Variants in GUCA2B observed in about 807,000 individuals in gnomAD.
GUCA2B encodes the protein guanylate cyclase activator 2B.
GUCA2B carries 7 observed loss-of-function variants against 11.1 expected under a neutral mutation model. That is an observed-to-expected ratio of 0.63 (90% CI 0.36 to 1.18). The LOEUF (loss-of-function observed/expected upper bound fraction) is 1.18. Ranked by LOEUF, GUCA2B falls within the 50% of genes most tolerant of loss-of-function variation. The pLI is 0.02. For missense variants in GUCA2B, 140 were observed against 142.5 expected (o/e 0.98, Z 0.09); for synonymous variants, 69 against 65.3 (o/e 1.06, Z -0.27).
At position 42,155,584 on chromosome 1, in the gene GUCA2B, C is replaced by G. The variant is rs370297949; in HGVS notation, c.327C>G (p.Thr109=). The change falls in exon 3 of 3, where the codon ACC becomes ACG. Residue 109 remains threonine, a synonymous_variant. Transcript: ENST00000372581. The part of the protein sequence containing the change: ...DCELCVNVAC[T]GCL ...AGCTGTGTGTGAACGTTGCGTGTAC[C>G]GGCTGCCTCTGAGATAGCCCTGGGT... The G allele has an allele frequency of 4.3e-6, 7 of 1,613,574 alleles. No homozygotes were observed. Among genetic ancestry groups the G allele is most frequent in the Non-Finnish European group, 5.1e-6 (6 of 1,179,460 alleles).
intron 2 of GUCA2B, among the ~76,000 whole-genome samples, chr1:42,155,142 T>C (rs1023187615): frequency 2.6e-5 from 4 of 152,172 alleles, no homozygotes; most frequent in Non-Finnish European, 4.4e-5. Context: ...ACATCTGCGA[T>C]GGGACAGGGG....
chr1:42,155,636 C>T lies in GUCA2B; in HGVS notation c.*40C>T. The T allele has an allele frequency of 6.8e-7, 1 of 1,480,042 alleles. No homozygotes were observed. The highest frequency in any genetic ancestry group is 9.5e-7 in the Non-Finnish European group (1 of 1,057,358). The allele number at this position is 1,480,042 out of a possible 1,614,324, so 91.7% of individuals were successfully genotyped here. On this transcript the variant is annotated 3_prime_UTR_variant, in exon 3 of 3. Coordinates refer to ENST00000372581, the MANE Select transcript of GUCA2B (RefSeq NM_007102.3). ...CCCTGAGCCCACCAGGGACACCTCG[C>T]CCTTCAGCCCACCACCCTGGCAGGC...
In GUCA2B at chr1:42,154,772, C is replaced by T; in HGVS notation, c.183C>T (p.Ser61=). 1 of 1,613,896 alleles carries T rather than the reference C, an allele frequency of 6.2e-7. No individual in the cohort carries two copies. The highest frequency in any genetic ancestry group is 8.5e-7 in the Non-Finnish European group (1 of 1,179,800). Residue 61 remains serine, a synonymous_variant, in exon 2 of 3, where the codon AGC becomes AGT. Transcript: ENST00000372581. ...WAPSPRLQAQ[S]LLPAVCHHPA... ...CCAGCCCCCGCCTGCAGGCCCAGAG[C>T]CTCCTGCCCGCCGTGTGCCACCACC...
At chr1:42,153,828 C>T (rs905138908) in intron 1 of GUCA2B, among the ~76,000 whole-genome samples, 3 of 152,190 alleles carry the variant, frequency 2.0e-5, no homozygotes, top group African/African-American at 7.2e-5. Flanking sequence ...CTCCTCCTTG[C>T]ATGGGAGGAG....
At chr1:42,155,024 G>A (rs1023010969) in intron 2 of GUCA2B, among the ~76,000 whole-genome samples, 158 bp downstream of exon 2, 5 of 152,234 alleles carry the variant, frequency 3.3e-5, no homozygotes, top group Non-Finnish European at 7.3e-5. Context: ...CCCGGTTTGG[G>A]CACTGTGAGT....
rs2297567 is a variant in GUCA2B, at chr1:42,153,481, C to T, written c.31C>T (p.Pro11Ser). Residue 11 changes from proline (P) to serine (S), a missense_variant, in exon 1 of 3, where the codon CCA becomes TCA. Physicochemically the swap from Pro to Ser is moderately conservative, Grantham distance 74 (BLOSUM62 -1). Coordinates refer to ENST00000372581, the MANE Select transcript of GUCA2B (RefSeq NM_007102.3). ...CTGCAGGGCTGCATCAGGGCTCCTGCCAGGAGTGGCCGTGGTCCTCCTGCT... is the reference window on the plus strand; with the variant it reads ...CTGCAGGGCTGCATCAGGGCTCCTGTCAGGAGTGGCCGTGGTCCTCCTGCT... MGCRAASGLL[P>S]GVAVVLLLLL... 2.5e-6 allele frequency: 4 copies of T among 1,612,252 alleles called. No individual in the cohort carries two copies. The highest frequency in any genetic ancestry group is 3.4e-6 in the Non-Finnish European group (4 of 1,179,490).
At chr1:42,153,585 G>A (rs1259071490) in intron 1 of GUCA2B, 45 bp downstream of exon 1, 1 of 1,378,084 alleles carries the variant, frequency 7.3e-7, no homozygotes, top group Non-Finnish European at 1.0e-6. Context: ...GGGCCCCATG[G>A]TGGGAGGCTA....
intron 1 of GUCA2B, among the ~76,000 whole-genome samples, chr1:42,154,340 G>T (rs1646098076): frequency 6.6e-6 from 1 of 152,230 alleles, no homozygotes; most frequent in African/African-American, 2.4e-5. Context: ...GGCGTACTCA[G>T]TTAGTGATTG....
chr1:42,154,425 G>A (rs1334182804), intron 1 of GUCA2B, among the ~76,000 whole-genome samples: 1 of 152,334 alleles, frequency 6.6e-6, no homozygotes, highest in African/African-American at 2.4e-5. Context: ...ACAGGCAGCC[G>A]GTCATGGGCA....
At chr1:42,153,596 G>A in intron 1 of GUCA2B, 56 bp downstream of exon 1, 13 of 1,257,456 alleles carry the variant, frequency 1.0e-5, no homozygotes, top group Non-Finnish European at 1.5e-5. Context: ...TGGGAGGCTA[G>A]GCTGGAGAGG....
chr1:42,155,282 T>G (rs765025506), intron 2 of GUCA2B, among the ~76,000 whole-genome samples: 1 of 152,198 alleles, frequency 6.6e-6, no homozygotes, highest in Non-Finnish European at 1.5e-5. Flanking sequence ...TTGTCGGTCC[T>G]GCATTATCTC....
In GUCA2B at chr1:42,154,892, C is replaced by A. The variant is rs368908843; in HGVS notation, c.277+26C>A. The A allele has an allele frequency of 9.5e-5, 150 of 1,571,238 alleles. No homozygotes were observed. The East Asian group carries it at 3.1e-3, about 33-fold the overall frequency. Reference sequence around the variant, plus strand: ...GTAAGTGCCCCCGCTCCCTGCAGAACCTCGCTCTGTCTCCTCCCACGCCCA... The same window carrying A: ...GTAAGTGCCCCCGCTCCCTGCAGAAACTCGCTCTGTCTCCTCCCACGCCCA... On this transcript the variant is annotated intron_variant, in intron 2 of 2. Transcript: ENST00000372581.
At chr1:42,153,811 C>A (rs1646095289) in intron 1 of GUCA2B, among the ~76,000 whole-genome samples, 1 of 152,212 alleles carries the variant, frequency 6.6e-6, no homozygotes. Context: ...GGGTGTGGAA[C>A]AGAAGGCTCC....
chr1:42,153,848 G>A (rs1646095400), intron 1 of GUCA2B, among the ~76,000 whole-genome samples: 1 of 152,202 alleles, frequency 6.6e-6, no homozygotes, highest in Non-Finnish European at 1.5e-5. Flanking sequence ...GGCCAGAAAG[G>A]GAAGGAGACA....
chr1:42,154,858 A>G lies in GUCA2B; in HGVS notation c.269A>G (p.Lys90Arg). The G allele has an allele frequency of 6.2e-7, 1 of 1,611,750 alleles. No individual in the cohort carries two copies. The change falls in exon 2 of 3, where the codon AAG becomes AGG. Residue 90 changes from lysine (K) to arginine (R), a missense_variant. Lys to Arg is a conservative substitution (Grantham distance 26). Transcript: ENST00000372581. ...TCGCAGGAGGCTTCCAGCATCTTCA[A>G]GACCCTGAGTAAGTGCCCCCGCTCC... is the stretch of plus-strand genomic sequence containing the variant. Reference protein sequence around the residue: ...CASQEASSIFKTLRTIANDDC... With the variant: ...CASQEASSIFRTLRTIANDDC...
chr1:42,154,123 C>A (rs527587958), intron 1 of GUCA2B, among the ~76,000 whole-genome samples: 1 of 152,294 alleles, frequency 6.6e-6, no homozygotes, highest in East Asian at 1.9e-4. Flanking sequence ...CTGTCTGCCA[C>A]GTCACAGGGG....
In GUCA2B at chr1:42,154,743, G is replaced by T; in HGVS notation, c.154G>T (p.Ala52Ser). The change falls in exon 2 of 3, where the codon GCA becomes TCA. Residue 52 changes from alanine (A) to serine (S), a missense_variant. Ala to Ser is a moderately conservative substitution (Grantham distance 99). Transcript: ENST00000372581. ...GCTGAGTGACCTGGAGGCACAGTGG[G>T]CACCCAGCCCCCGCCTGCAGGCCCA... ...KKLSDLEAQW[A>S]PSPRLQAQSL... 2 of 1,613,956 alleles carry T rather than the reference G, an allele frequency of 1.2e-6. No homozygotes were observed. Among genetic ancestry groups the T allele is most frequent in the Non-Finnish European group, 1.7e-6 (2 of 1,179,836 alleles).
intron 1 of GUCA2B, 61 bp downstream of exon 1, chr1:42,153,601 G>A: frequency 2.4e-6 from 3 of 1,239,790 alleles, no homozygotes; most frequent in Non-Finnish European, 3.5e-6. Flanking sequence ...GGCTAGGCTG[G>A]AGAGGGTGTA....
intron 1 of GUCA2B, among the ~76,000 whole-genome samples, chr1:42,153,967 G>C (rs1646096020): frequency 6.6e-6 from 1 of 152,212 alleles, no homozygotes; most frequent in African/African-American, 2.4e-5. Flanking sequence ...ATTGCAAGAT[G>C]AACAGGAGGT....
Sources: gnomAD v4.1 joint callset for allele counts (sites outside exome capture counted in the v4.1 genomes callset) on GRCh38, gnomAD v4.1.1 for gene constraint, MANE v1.5 for transcripts, NCBI Gene and HGNC (gene_info 2026-07-23, HGNC 2026-07-21) for gene names.